The following APBA1 variants were observed in gnomAD, a reference collection of about 807,000 sequenced individuals.
APBA1 encodes amyloid beta precursor protein binding family A member 1.
APBA1 carries 55 observed loss-of-function variants against 86.6 expected under a neutral mutation model. The observed-to-expected ratio is 0.64, with a 90% CI of 0.51 to 0.80. The LOEUF (loss-of-function observed/expected upper bound fraction) is 0.80. Ranked by LOEUF, APBA1 falls within the 30% of genes least tolerant of loss-of-function variation. The probability of loss-of-function intolerance (pLI) is 0.00; values close to 1 mark genes in which losing one functional copy is unlikely to be tolerated. For missense variants in APBA1, 1,090 were observed against 1,183.0 expected (o/e 0.92, Z 1.15); for synonymous variants, 511 against 493.9 (o/e 1.03, Z -0.46).
At chr9:69,446,964 G>A (rs1284189687) in intron 10 of APBA1, among the ~76,000 whole-genome samples, 2 of 152,292 alleles carry the variant, frequency 1.3e-5, no homozygotes, top group South Asian at 4.2e-4. Context: ...AGACTAGGTG[G>A]CTTATAAACA....
chr9:69,441,176 A>C (rs1490044286), intron 10 of APBA1, 61 bp from the exon 11 acceptor site: 9 of 1,561,428 alleles, frequency 5.8e-6, no homozygotes, highest in Non-Finnish European at 6.9e-6. Flanking sequence ...AATAAACAAA[A>C]GCAGGCAGCA....
intron 4 of APBA1, among the ~76,000 whole-genome samples, chr9:69,468,903 C>T (rs1039735137): frequency 3.7e-4 from 56 of 150,348 alleles, no homozygotes; most frequent in Middle Eastern, 3.2e-3. Flanking sequence ...CTCACTCTCT[C>T]GCTAAGGCTG....
At chr9:69,475,457 G>A (rs188561018) in intron 3 of APBA1, among the ~76,000 whole-genome samples, 6 of 152,260 alleles carry the variant, frequency 3.9e-5, no homozygotes, top group South Asian at 2.1e-4. Flanking sequence ...GAAAGTTCTC[G>A]CAGGCGGCAC....
chr9:69,641,457 T>G (rs1823285537), intron 1 of APBA1, among the ~76,000 whole-genome samples: 1 of 152,030 alleles, frequency 6.6e-6, no homozygotes, highest in Non-Finnish European at 1.5e-5. Context: ...TACAAGAAAA[T>G]GCAAAGTTGG....
intron 1 of APBA1, among the ~76,000 whole-genome samples, chr9:69,551,601 T>C (rs138931721): frequency 2.0e-5 from 3 of 152,280 alleles, no homozygotes; most frequent in African/African-American, 7.2e-5. Context: ...AACATTAGCT[T>C]ATGGAATTTC....
chr9:69,500,103 A>G (rs1835859281), intron 2 of APBA1, among the ~76,000 whole-genome samples: 1 of 152,048 alleles, frequency 6.6e-6, no homozygotes, highest in Non-Finnish European at 1.5e-5. Flanking sequence ...CTGACGGTAT[A>G]ATGCTGCTTA....
At chr9:69,564,994 G>A (rs185742241) in intron 1 of APBA1, among the ~76,000 whole-genome samples, 1 of 152,158 alleles carries the variant, frequency 6.6e-6, no homozygotes, top group Non-Finnish European at 1.5e-5. Flanking sequence ...TGTGAATTTA[G>A]TGAAAAAGAG....
chr9:69,635,607 T>TCACCTATAAAA (rs1823141240), intron 1 of APBA1, among the ~76,000 whole-genome samples: 1 of 151,986 alleles, frequency 6.6e-6, no homozygotes, highest in South Asian at 2.1e-4. Flanking sequence ...GAAATACACT[T>TCACCTATAAAA]CACCTATAAA....
chr9:69,630,143 C>A (rs573132378), intron 1 of APBA1, among the ~76,000 whole-genome samples: 1 of 151,594 alleles, frequency 6.6e-6, no homozygotes, highest in South Asian at 2.1e-4. Flanking sequence ...ATGGGGCAGT[C>A]AGGGTAGGCA....
At chr9:69,553,476 T>A (rs1415083577) in intron 1 of APBA1, among the ~76,000 whole-genome samples, 1 of 152,244 alleles carries the variant, frequency 6.6e-6, no homozygotes, top group African/African-American at 2.4e-5. Flanking sequence ...GAGTATATAC[T>A]CTTTTGTGTC....
In APBA1 at chr9:69,471,689, T is replaced by C; in HGVS notation, c.1303A>G (p.Lys435Glu). The change falls in exon 4 of 13, where the codon AAA becomes GAA. Residue 435 changes from lysine to glutamate, a missense_variant. Transcript: ENST00000265381. ...TAGGTTGGGAATGAAGCCAAGCTTT[T>C]TCTTGACTGTAATAAAGACAAAGAG... is the stretch of plus-strand genomic sequence containing the variant. ...VEASTNKESRKSLASFPTYVE... is the reference protein window; with the variant it reads ...VEASTNKESRESLASFPTYVE... The C allele has an allele frequency of 6.2e-7, 1 of 1,613,348 alleles. No individual in the cohort carries two copies. The highest frequency in any genetic ancestry group is 8.5e-7 in the Non-Finnish European group (1 of 1,179,616).
intron 2 of APBA1, among the ~76,000 whole-genome samples, chr9:69,476,847 T>G (rs1473086218): frequency 1.3e-5 from 2 of 152,180 alleles, no homozygotes; most frequent in Non-Finnish European, 2.9e-5. Context: ...CCTGGGCTGA[T>G]GGGACCCCAG....
chr9:69,648,553 A>G (rs190512352), intron 1 of APBA1, among the ~76,000 whole-genome samples: 1 of 152,308 alleles, frequency 6.6e-6, no homozygotes, highest in East Asian at 1.9e-4. Flanking sequence ...CAGTGGGCAA[A>G]AATCATTATT....
intron 1 of APBA1, among the ~76,000 whole-genome samples, chr9:69,602,744 G>A (rs1822378706): frequency 6.6e-6 from 1 of 152,114 alleles, no homozygotes; most frequent in Non-Finnish European, 1.5e-5. Context: ...TTTAGGCCCT[G>A]GGGGAGAGAT....
chr9:69,615,279 A>G (rs1822677718), intron 1 of APBA1, among the ~76,000 whole-genome samples: 1 of 152,242 alleles, frequency 6.6e-6, no homozygotes, highest in Non-Finnish European at 1.5e-5. Context: ...TTTTGTAAAC[A>G]AATATGGAAG....
At chr9:69,525,065 A>G (rs1054711076) in intron 1 of APBA1, among the ~76,000 whole-genome samples, 3 of 152,226 alleles carry the variant, frequency 2.0e-5, no homozygotes, top group Non-Finnish European at 4.4e-5. Context: ...GAAAGTAGGC[A>G]TCAAAGGAAC....
intron 1 of APBA1, among the ~76,000 whole-genome samples, chr9:69,524,396 G>T (rs2133899548): frequency 6.6e-6 from 1 of 152,076 alleles, no homozygotes; most frequent in Admixed American, 6.6e-5. Context: ...TGACAAAAGT[G>T]ACATTATAAC....
chr9:69,494,400 A>G (rs1835762635), intron 2 of APBA1: 1 of 152,136 alleles, frequency 6.6e-6, no homozygotes, highest in South Asian at 2.1e-4. Flanking sequence ...CTGCTCCAAC[A>G]GAGGGTGATG....
intron 1 of APBA1, among the ~76,000 whole-genome samples, chr9:69,605,687 A>T (rs1260130744): frequency 6.6e-6 from 1 of 152,254 alleles, no homozygotes; most frequent in Admixed American, 6.5e-5. Context: ...CCAGGCACTA[A>T]CAGCCACATG....
Sources: gnomAD v4.1 joint callset for allele counts (sites outside exome capture counted in the v4.1 genomes callset) on GRCh38, gnomAD v4.1.1 for gene constraint, MANE v1.5 for transcripts, NCBI Gene and HGNC (gene_info 2026-07-23, HGNC 2026-07-21) for gene names.